Variants in AFG2A observed in about 807,000 individuals in gnomAD.
AFG2A encodes the protein AAA ATPase AFG2A.
At chr4:123,264,645 T>C in the AFG2A span, among the ~76,000 whole-genome samples, 2 of 152,172 alleles carry the variant, frequency 1.3e-5, no homozygotes, top group Non-Finnish European at 2.9e-5. Flanking sequence ...ACTTTTGAGC[T>C]AGTCCTGTAC....
chr4:123,007,586 GTGTGTGTGTGTGTGTGTGTGTGTATATA>G, the AFG2A span, among the ~76,000 whole-genome samples: 3 of 10,252 alleles, frequency 2.9e-4, no homozygotes, highest in African/African-American at 9.4e-4. Flanking sequence ...GTGTGTGTGT[GTGTGTGTGTGTGTGTGTGTGTGTATATA>G]TATATATATA....
the AFG2A span, among the ~76,000 whole-genome samples, chr4:123,271,397 C>T: frequency 1.5e-3 from 227 of 152,058 alleles, no homozygotes; most frequent in African/African-American, 5.4e-3. Flanking sequence ...GGGGTTTTTT[C>T]GTTTTGTTTT....
chr4:123,255,788 G>A, the AFG2A span, among the ~76,000 whole-genome samples: 995 of 145,714 alleles, frequency 6.8e-3, 24 homozygotes, highest in South Asian at 0.083. Context: ...CCAAAGTGCT[G>A]GGATTACAGG....
chr4:123,148,456 C>T, the AFG2A span, among the ~76,000 whole-genome samples: 2 of 152,060 alleles, frequency 1.3e-5, no homozygotes, highest in African/African-American at 4.8e-5. Flanking sequence ...AATCAGAAAG[C>T]AAATATAGCA....
chr4:123,116,314 TG>T, the AFG2A span, among the ~76,000 whole-genome samples: 1 of 152,354 alleles, frequency 6.6e-6, no homozygotes, highest in Non-Finnish European at 1.5e-5. Context: ...CAAAAATTAT[TG>T]GAACCAGCTT....
chr4:123,102,306 A>AG, the AFG2A span: 1 of 151,166 alleles, frequency 6.6e-6, no homozygotes, highest in Admixed American at 6.6e-5. Flanking sequence ...AAAAAAAAAA[A>AG]AAAAAAGAAA....
chr4:123,274,161 A>T, the AFG2A span, among the ~76,000 whole-genome samples: 2 of 152,086 alleles, frequency 1.3e-5, no homozygotes, highest in Non-Finnish European at 2.9e-5. Flanking sequence ...TTAATATTTG[A>T]CCTGCAATAA....
chr4:123,265,659 C>G, the AFG2A span, among the ~76,000 whole-genome samples: 5 of 152,018 alleles, frequency 3.3e-5, no homozygotes, highest in African/African-American at 1.2e-4. Flanking sequence ...GAATGAGAGG[C>G]TGGTTAGCAA....
the AFG2A span, among the ~76,000 whole-genome samples, chr4:123,029,193 G>A: frequency 3.1e-4 from 47 of 152,250 alleles, no homozygotes; most frequent in Non-Finnish European, 5.7e-4. Context: ...CGCCTCCCAG[G>A]TTCATGCCAT....
the AFG2A span, among the ~76,000 whole-genome samples, chr4:123,297,651 G>A: frequency 6.6e-6 from 1 of 151,946 alleles, no homozygotes; most frequent in Admixed American, 6.6e-5. Context: ...CCCCAGAGGC[G>A]GAGCTTGCAG....
the AFG2A span, among the ~76,000 whole-genome samples, chr4:123,209,579 A>C: frequency 2.8e-5 from 4 of 143,026 alleles, no homozygotes; most frequent in Non-Finnish European, 6.0e-5. Context: ...AACGGGATGC[A>C]TCAAGAATTT....
At chr4:123,112,559 A>G in the AFG2A span, among the ~76,000 whole-genome samples, 5 of 152,212 alleles carry the variant, frequency 3.3e-5, no homozygotes, top group African/African-American at 4.8e-5. Context: ...CTTCTTTCAC[A>G]TATCAGTTTC....
chr4:122,959,377 A>G, the AFG2A span, among the ~76,000 whole-genome samples: 1 of 152,228 alleles, frequency 6.6e-6, no homozygotes, highest in East Asian at 1.9e-4. Context: ...TAAAACTTTA[A>G]AAGTGGCAAA....
At chr4:123,299,117 A>ATGTGTGTG in the AFG2A span, among the ~76,000 whole-genome samples, 6,484 of 147,156 alleles carry the variant, frequency 0.044, 166 homozygotes, top group Middle Eastern at 0.1. Context: ...GCATCTGCCA[A>ATGTGTGTG]TGTGTGTGTG....
At chr4:123,311,625 C>CAAAAA in the AFG2A span, among the ~76,000 whole-genome samples, 169 of 92,204 alleles carry the variant, frequency 1.8e-3, 1 homozygote, top group Non-Finnish European at 2.2e-3. Flanking sequence ...GACTCTGTCT[C>CAAAAA]AAAAAAAAAA....
the AFG2A span, among the ~76,000 whole-genome samples, chr4:123,186,286 G>A: frequency 6.6e-6 from 1 of 152,112 alleles, no homozygotes; most frequent in African/African-American, 2.4e-5. Flanking sequence ...TAGTAATATT[G>A]ATTCATCTAA....
At chr4:122,957,986 A>G in the AFG2A span, among the ~76,000 whole-genome samples, 1 of 152,178 alleles carries the variant, frequency 6.6e-6, no homozygotes, top group Non-Finnish European at 1.5e-5. Context: ...TACCCTATAC[A>G]CCCTTGATAA....
At chr4:123,163,068 G>GCATTGTCACTCACTAGCTGTA in the AFG2A span, among the ~76,000 whole-genome samples, 1 of 152,220 alleles carries the variant, frequency 6.6e-6, no homozygotes, top group African/African-American at 2.4e-5. Flanking sequence ...TTGAAGGCTA[G>GCATTGTCACTCACTAGCTGTA]CATTGTCACT....
chr4:122,990,145 T>A, the AFG2A span, among the ~76,000 whole-genome samples: 3 of 152,222 alleles, frequency 2.0e-5, no homozygotes, highest in Non-Finnish European at 4.4e-5. Context: ...GGATTACAGA[T>A]GTGAGCTACT....
Sources: gnomAD v4.1 joint callset for allele counts (sites outside exome capture counted in the v4.1 genomes callset) on GRCh38, gnomAD v4.1.1 for gene constraint, MANE v1.5 for transcripts, NCBI Gene and HGNC (gene_info 2026-07-23, HGNC 2026-07-21) for gene names.